The following SH2B3 variants were observed in gnomAD, a reference collection of about 807,000 sequenced individuals.
The protein encoded by SH2B3 is SH2B adapter protein 3.
SH2B3 carries 43 observed loss-of-function variants against 51.9 expected under a neutral mutation model. The observed-to-expected ratio is 0.83, with a 90% confidence interval of 0.65 to 1.07. The LOEUF is 1.07. Ranked by LOEUF, SH2B3 falls within the 50% of genes least tolerant of loss-of-function variation. The pLI, the probability that SH2B3 is intolerant of heterozygous loss-of-function variation, is 0.00. For missense variants in SH2B3, 952 were observed against 834.3 expected (o/e 1.14, Z -1.74); for synonymous variants, 396 against 376.0 (o/e 1.05, Z -0.62).
rs2135546995 is a variant in SH2B3 at position 111,418,237 on chromosome 12, A to G, written c.92A>G (p.Glu31Gly). Residue 31 changes from glutamate to glycine, a missense_variant, in exon 2 of 8, where the codon GAG (glutamate) becomes GGG (glycine). Glu to Gly is a moderately conservative substitution (Grantham distance 98). Transcript: ENST00000341259. This position sits in a 1 kb window ranked among gnomAD's most constrained non-coding sequence, Gnocchi z 6.7. Reference protein sequence around the residue: ...AAPRGWSEFCELHAVAAAREL... With the variant: ...AAPRGWSEFCGLHAVAAAREL... Reference sequence around the variant, plus strand: ...CCGCGGGGCTGGAGCGAGTTCTGTGAGTTGCACGCCGTAGCGGCGGCCCGG... The same window carrying G: ...CCGCGGGGCTGGAGCGAGTTCTGTGGGTTGCACGCCGTAGCGGCGGCCCGG... 6.4e-7 allele frequency: 1 copy of G among 1,570,616 alleles called. No individual in the cohort carries two copies. Among genetic ancestry groups the G allele is most frequent in the Non-Finnish European group, 8.6e-7 (1 of 1,167,708 alleles).
chr12:111,437,093 G>A (rs1367450811), intron 2 of SH2B3, among the ~76,000 whole-genome samples: 1 of 152,142 alleles, frequency 6.6e-6, no homozygotes, highest in African/African-American at 2.4e-5. Flanking sequence ...ATCTGACTGG[G>A]AGAATTCCTC....
upstream of SH2B3, among the ~76,000 whole-genome samples, chr12:111,405,752 G>T (rs1240424258): frequency 6.6e-6 from 1 of 152,164 alleles, no homozygotes; most frequent in Non-Finnish European, 1.5e-5. This position sits in a 1 kb window ranked among gnomAD's most constrained non-coding sequence, Gnocchi z 5.4. Context: ...CGGACTAGCG[G>T]GATTGGTAGG....
In SH2B3 at chr12:111,451,500, G is replaced by A. The variant is rs1874587688; in HGVS notation, c.*3198G>A. On this transcript the variant is annotated 3_prime_UTR_variant, in exon 8 of 8. Transcript: ENST00000341259. ...TCATCTTGTATCATTATAGGCAGAA[G>A]GTATTTGGCAAATTTTTATGTATTG... The A allele has an allele frequency of 6.6e-6, 1 of 152,606 alleles. No homozygotes were observed. The highest frequency in any genetic ancestry group is 1.5e-5 in the Non-Finnish European group (1 of 68,040). The allele number at this position is 152,606 out of a possible 1,614,324, so 9.5% of individuals were successfully genotyped here. A position where few individuals can be genotyped will look rare whatever the true frequency, so the allele number is the denominator to read the frequency against.
At chr12:111,432,471 T>C (rs1003594025) in intron 2 of SH2B3, among the ~76,000 whole-genome samples, 1 of 152,248 alleles carries the variant, frequency 6.6e-6, no homozygotes, top group African/African-American at 2.4e-5. Flanking sequence ...AAGGCTTTTA[T>C]GAGCACTTCT....
chr12:111,447,268 C>T, intron 5 of SH2B3, 49 bp downstream of exon 5: 2 of 1,589,268 alleles, frequency 1.3e-6, no homozygotes, highest in Non-Finnish European at 1.7e-6. Flanking sequence ...CGCTGGAACC[C>T]AGACTCAGCC....
At chr12:111,437,196 C>T (rs1007398025) in intron 2 of SH2B3, among the ~76,000 whole-genome samples, 3 of 152,202 alleles carry the variant, frequency 2.0e-5, no homozygotes, top group East Asian at 1.9e-4. Context: ...TACTGGGTGA[C>T]GGATGGATGA....
chr12:111,431,115 C>CT (rs1487678425), intron 2 of SH2B3, among the ~76,000 whole-genome samples: 1 of 152,230 alleles, frequency 6.6e-6, no homozygotes, highest in Non-Finnish European at 1.5e-5. Flanking sequence ...TATCTCCCCT[C>CT]TGAGTTGAGG....
At chr12:111,446,264 G>GCTAA (rs935508356) in intron 2 of SH2B3, among the ~76,000 whole-genome samples, 1 of 152,232 alleles carries the variant, frequency 6.6e-6, no homozygotes, top group African/African-American at 2.4e-5. Flanking sequence ...AGGAACAGTG[G>GCTAA]CTAACTCCTA....
chr12:111,445,622 GT>G (rs1238876086), intron 2 of SH2B3, among the ~76,000 whole-genome samples: 1 of 152,274 alleles, frequency 6.6e-6, no homozygotes, highest in African/African-American at 2.4e-5. Context: ...CCCCCAGCCT[GT>G]TGTGTCCGCC....
chr12:111,435,016 C>T lies in SH2B3; in HGVS notation c.733-11737C>T, dbSNP rs1261633239. 7 of 1,534,566 alleles carry T rather than the reference C, an allele frequency of 4.6e-6. No homozygotes were observed. The highest frequency in any genetic ancestry group is 2.0e-5 in the Admixed American group (1 of 50,988). On this transcript the variant is annotated intron_variant, in intron 2 of 7. Transcript: ENST00000341259. This position sits in a 1 kb window ranked among gnomAD's most constrained non-coding sequence, Gnocchi z 4.8. ...GCTCTCACCTCTTCTTCTGAATCAT[C>T]GTTCTTCGAAGGCAGGCAGTAGCTA...
At chr12:111,421,401 CTTTTTTTTTTT>C (rs550860498) in intron 2 of SH2B3, among the ~76,000 whole-genome samples, 7 of 90,620 alleles carry the variant, frequency 7.7e-5, no homozygotes, top group Non-Finnish European at 1.2e-4. Context: ...TAGTGTCTTC[CTTTTTTTTTTT>C]TTTTTTTTTT....
At chr12:111,414,526 G>A (rs1870934821) in intron 1 of SH2B3, among the ~76,000 whole-genome samples, 1 of 151,912 alleles carries the variant, frequency 6.6e-6, no homozygotes, top group South Asian at 2.1e-4. Flanking sequence ...GGAGGTCTAG[G>A]CTGCGGTGAG....
At chr12:111,420,485 T>C (rs1593041105) in intron 2 of SH2B3, among the ~76,000 whole-genome samples, 1 of 151,710 alleles carries the variant, frequency 6.6e-6, no homozygotes, top group Non-Finnish European at 1.5e-5. Flanking sequence ...CATCTTTGAC[T>C]CAGGTATGCA....
rs1428547363 is a variant in SH2B3 at position 111,435,830 on chromosome 12, G to C, written c.733-10923G>C. On this transcript the variant is annotated intron_variant, in intron 2 of 7. Coordinates refer to ENST00000341259, the MANE Select transcript of SH2B3 (RefSeq NM_005475.3). This position sits in a 1 kb window ranked among gnomAD's most constrained non-coding sequence, Gnocchi z 4.8. ...GCCAAGGGCAGGGGTGCTGGGCTTA[G>C]CCAGGCTGGCCACAGTGGGGGCAGG... Among the ~76,000 whole-genome samples the C allele has an allele frequency of 6.6e-6, 1 of 152,214 alleles. No individual in the cohort carries two copies. The highest frequency in any genetic ancestry group is 1.5e-5 in the Non-Finnish European group (1 of 68,038).
At chr12:111,420,996 T>C (rs1163550791) in intron 2 of SH2B3, among the ~76,000 whole-genome samples, 1 of 152,214 alleles carries the variant, frequency 6.6e-6, no homozygotes, top group Non-Finnish European at 1.5e-5. Flanking sequence ...GCAACGCAAG[T>C]GACCAGCACC....
rs1038823525 is a variant in SH2B3 at position 111,424,384 on chromosome 12, G to A, written c.732+5507G>A. Among the ~76,000 whole-genome samples the A allele has an allele frequency of 6.6e-5, 10 of 152,250 alleles. No individual in the cohort carries two copies. The East Asian group carries it at 7.7e-4, about 12-fold the overall frequency. ...ATGAGTGCTGTGTTGCTGTTGCCAC[G>A]GTTGTTGTGGTTTGTTATGGTTTTG... On this transcript the variant is annotated intron_variant, in intron 2 of 7. Transcript: ENST00000341259.
chr12:111,420,627 A>C (rs939752096), intron 2 of SH2B3, among the ~76,000 whole-genome samples: 1 of 152,190 alleles, frequency 6.6e-6, no homozygotes, highest in Admixed American at 6.5e-5. Flanking sequence ...GGGTGGAGGA[A>C]ACCTATGGTT....
chr12:111,437,466 C>A (rs763157785), intron 2 of SH2B3, among the ~76,000 whole-genome samples: 4 of 152,162 alleles, frequency 2.6e-5, no homozygotes, highest in Admixed American at 2.6e-4. Context: ...GTCTAGGAGC[C>A]GCTGCCCTGT....
Position 111,435,017 on chromosome 12 carries a change from G to A in SH2B3, c.733-11736G>A, listed in dbSNP as rs546108693. ...CTCTCACCTCTTCTTCTGAATCATC[G>A]TTCTTCGAAGGCAGGCAGTAGCTAC... On this transcript the variant is annotated intron_variant, in intron 2 of 7. Coordinates refer to ENST00000341259, the MANE Select transcript of SH2B3 (RefSeq NM_005475.3). This position sits in a 1 kb window ranked among gnomAD's most constrained non-coding sequence, Gnocchi z 4.8. 1.4e-5 allele frequency: 21 copies of A among 1,534,520 alleles called. No individual in the cohort carries two copies. The highest frequency in any genetic ancestry group is 1.2e-4 in the Admixed American group (6 of 50,992).
Sources: gnomAD v4.1 joint callset for allele counts (sites outside exome capture counted in the v4.1 genomes callset) on GRCh38, gnomAD v4.1.1 for gene constraint, Gnocchi (gnomAD v3.1) non-coding constraint, MANE v1.5 for transcripts, NCBI Gene and HGNC (gene_info 2026-07-23, HGNC 2026-07-21) for gene names.